MOB3B: variants seen among roughly 807,000 people sequenced by gnomAD.
MOB3B encodes MOB kinase activator-like 2B.
In MOB3B, 7 loss-of-function variants were observed where a neutral mutation model predicts 18.7. That is an observed-to-expected ratio of 0.37 (90% confidence interval 0.21 to 0.70). MOB3B has a LOEUF of 0.70. Among genes scored for constraint, MOB3B ranks in the 30% least tolerant of loss-of-function variants. The probability of loss-of-function intolerance (pLI) is 0.52; values close to 1 mark genes in which losing one functional copy is unlikely to be tolerated. For missense variants in MOB3B, 253 were observed against 281.3 expected, an observed-to-expected ratio of 0.90 and a Z score of 0.72; for synonymous variants, 111 against 99.9, an observed-to-expected ratio of 1.11 and a Z score of -0.66.
intron 2 of MOB3B, among the ~76,000 whole-genome samples, chr9:27,410,295 C>G (rs1184008882): frequency 1.3e-5 from 2 of 152,116 alleles, no homozygotes; most frequent in African/African-American, 4.8e-5. Flanking sequence ...TCAGCTCATT[C>G]TTTACCCAAT....
intron 3 of MOB3B, among the ~76,000 whole-genome samples, chr9:27,342,642 T>C (rs201576380): frequency 1.3e-5 from 2 of 152,182 alleles, no homozygotes; most frequent in East Asian, 1.9e-4. Flanking sequence ...GGTTTTTGCA[T>C]TTTTTGGTGG....
At chr9:27,344,117 C>T (rs1249914339) in intron 3 of MOB3B, among the ~76,000 whole-genome samples, 16 of 151,118 alleles carry the variant, frequency 1.1e-4, no homozygotes, top group Admixed American at 1.1e-3. Context: ...AAAAAAAAAA[C>T]ATAGCTATCC....
intron 2 of MOB3B, among the ~76,000 whole-genome samples, chr9:27,380,153 G>T (rs550636913): frequency 6.6e-6 from 1 of 152,014 alleles, no homozygotes; most frequent in East Asian, 1.9e-4. Context: ...GCCCCCACTA[G>T]CAGTGCAACT....
At chr9:27,514,961 G>A (rs1000222458) in intron 1 of MOB3B, among the ~76,000 whole-genome samples, 1 of 152,168 alleles carries the variant, frequency 6.6e-6, no homozygotes, top group African/African-American at 2.4e-5. Context: ...AAGGCCCACA[G>A]GAGAAATTCC....
chr9:27,456,257 G>A (rs1822868943), intron 1 of MOB3B, among the ~76,000 whole-genome samples: 1 of 152,242 alleles, frequency 6.6e-6, no homozygotes, highest in Non-Finnish European at 1.5e-5. Flanking sequence ...CATTAGTGAT[G>A]TGGCATTGGG....
At chr9:27,425,574 T>C (rs1350678838) in intron 2 of MOB3B, among the ~76,000 whole-genome samples, 1 of 152,128 alleles carries the variant, frequency 6.6e-6, no homozygotes. Flanking sequence ...ACATGAATGT[T>C]CATATTAAGT....
chr9:27,367,899 C>T (rs545287146), intron 2 of MOB3B, among the ~76,000 whole-genome samples: 3 of 152,200 alleles, frequency 2.0e-5, no homozygotes, highest in Admixed American at 2.0e-4. Context: ...TTTGGGACCC[C>T]TGATGGCATG....
chr9:27,511,575 A>C (rs1563886836), intron 1 of MOB3B, among the ~76,000 whole-genome samples: 1 of 152,224 alleles, frequency 6.6e-6, no homozygotes, highest in Admixed American at 6.5e-5. Context: ...GATTTCTTCC[A>C]AGGAAAGTAT....
intron 2 of MOB3B, among the ~76,000 whole-genome samples, chr9:27,434,104 C>T (rs1822457596): frequency 6.6e-6 from 1 of 152,164 alleles, no homozygotes; most frequent in Non-Finnish European, 1.5e-5. Context: ...ACTGACATTC[C>T]TGGCTTTGTA....
intron 1 of MOB3B, among the ~76,000 whole-genome samples, chr9:27,502,032 C>CT (rs1051411061): frequency 3.3e-5 from 5 of 152,248 alleles, no homozygotes; most frequent in Admixed American, 1.3e-4. Flanking sequence ...TTGTCCTTCC[C>CT]TTTTTTTGCC....
chr9:27,347,421 G>C (rs1290887343), intron 3 of MOB3B, among the ~76,000 whole-genome samples: 2 of 152,232 alleles, frequency 1.3e-5, no homozygotes, highest in East Asian at 3.8e-4. Context: ...TCAGCACCCA[G>C]CCATGTTCCT....
Position 27,328,248 on chromosome 9 carries a change from G to A in MOB3B, c.*2339C>T, listed in dbSNP as rs1247496178. The A allele has an allele frequency of 6.6e-6, 1 of 151,906 alleles. No homozygotes were observed. The highest frequency in any genetic ancestry group is 1.5e-5 in the Non-Finnish European group (1 of 67,806). 9.4% of individuals were successfully genotyped at this position (151,906 alleles called of 1,614,324 possible). On this transcript the variant is annotated 3_prime_UTR_variant, in exon 4 of 4. Coordinates refer to ENST00000262244, the MANE Select transcript of MOB3B (RefSeq NM_024761.5). The stretch of plus-strand genomic sequence containing the variant: ...TTAGGAAGAAGAAGGAGGGTTGTCA[G>A]TCTCTGACCCAGAGGGCTGAAGCTC...
At chr9:27,471,833 G>A (rs556462738) in intron 1 of MOB3B, among the ~76,000 whole-genome samples, 18 of 152,206 alleles carry the variant, frequency 1.2e-4, no homozygotes, top group African/African-American at 3.4e-4. Flanking sequence ...AGGCTGCTAC[G>A]TTCCCTCTCT....
chr9:27,411,151 G>C lies in MOB3B; in HGVS notation c.418+43982C>G, dbSNP rs376053018. Among the ~76,000 whole-genome samples the C allele has an allele frequency of 3.9e-5, 6 of 152,306 alleles. No individual in the cohort carries two copies. In the South Asian group the frequency reaches 8.3e-4, roughly 21 times the overall value. The stretch of plus-strand genomic sequence containing the variant: ...CAATGATGTATCCCTAGATATGGCA[G>C]ATGGGGTCTTCCCTAATAAGTGGCT... On this transcript the variant is annotated intron_variant, in intron 2 of 3. Transcript: ENST00000262244.
At chr9:27,444,553 T>A (rs1377124653) in intron 2 of MOB3B, among the ~76,000 whole-genome samples, 1 of 152,232 alleles carries the variant, frequency 6.6e-6, no homozygotes, top group Non-Finnish European at 1.5e-5. Flanking sequence ...TTAATCTTTA[T>A]CATTTCCAGA....
chr9:27,361,506 T>C (rs1821274113), intron 2 of MOB3B, among the ~76,000 whole-genome samples: 1 of 152,234 alleles, frequency 6.6e-6, no homozygotes, highest in Non-Finnish European at 1.5e-5. Context: ...CATACTCTGC[T>C]GCCTTCAACG....
At chr9:27,502,567 G>A (rs1412345914) in intron 1 of MOB3B, among the ~76,000 whole-genome samples, 2 of 152,180 alleles carry the variant, frequency 1.3e-5, no homozygotes, top group East Asian at 1.9e-4. Context: ...CTAATGTCCT[G>A]AGATGGCCAA....
chr9:27,496,015 T>A (rs1470513644), intron 1 of MOB3B, among the ~76,000 whole-genome samples: 1 of 152,240 alleles, frequency 6.6e-6, no homozygotes, highest in South Asian at 2.1e-4. Context: ...ATAATTAGCA[T>A]AGATTCTCTT....
intron 1 of MOB3B, among the ~76,000 whole-genome samples, chr9:27,460,029 G>T (rs1379419609): frequency 6.6e-6 from 1 of 152,110 alleles, no homozygotes. Context: ...TTTACTAAAA[G>T]CTTTTTATGT....
Sources: allele counts gnomAD v4.1 joint callset (sites outside exome capture counted in the v4.1 genomes callset), GRCh38; gene constraint gnomAD v4.1.1; transcripts MANE v1.5; gene names NCBI Gene and HGNC (gene_info 2026-07-23, HGNC 2026-07-21).